Variants in GALNT13 observed in about 807,000 individuals in gnomAD.
GALNT13 encodes the protein UDP-GalNAc:polypeptide N-acetylgalactosaminyltransferase 13.
Under a neutral mutation model 64.2 loss-of-function variants are expected in GALNT13, and 28 were observed. The observed-to-expected ratio is 0.44, with a 90% confidence interval of 0.32 to 0.60. The LOEUF (loss-of-function observed/expected upper bound fraction) is 0.60. GALNT13 is among the 20% of genes least tolerant of loss of function. GALNT13 has a pLI of 0.05. For synonymous variants in GALNT13, 214 were observed against 224.6 expected, an observed-to-expected ratio of 0.95 and a Z score of 0.42; for missense variants, 577 against 669.8, an observed-to-expected ratio of 0.86 and a Z score of 1.53.
chr2:153,573,377 C>T, the GALNT13 span, among the ~76,000 whole-genome samples: 7 of 151,840 alleles, frequency 4.6e-5, no homozygotes, highest in Non-Finnish European at 1.0e-4. Flanking sequence ...ATCAACAGGT[C>T]TTGTTTTTCT....
intron 9 of GALNT13, among the ~76,000 whole-genome samples, chr2:154,312,830 A>G (rs1217657175): frequency 6.6e-6 from 1 of 152,162 alleles, no homozygotes; most frequent in African/African-American, 2.4e-5. Context: ...AGAATCAGAT[A>G]TCTTTCCTTA....
At chr2:154,026,211 G>T (rs60539232) in intron 3 of GALNT13, among the ~76,000 whole-genome samples, 1 of 152,156 alleles carries the variant, frequency 6.6e-6, no homozygotes, top group Non-Finnish European at 1.5e-5. Context: ...ACTACTAGAG[G>T]AGAGAGATTA....
At chr2:153,343,440 C>T in the GALNT13 span, among the ~76,000 whole-genome samples, 1 of 152,082 alleles carries the variant, frequency 6.6e-6, no homozygotes, top group Non-Finnish European at 1.5e-5. Flanking sequence ...TACTAACCAA[C>T]TTACCATGCA....
At chr2:153,859,525 A>T in the GALNT13 span, among the ~76,000 whole-genome samples, 1 of 152,208 alleles carries the variant, frequency 6.6e-6, no homozygotes, top group African/African-American at 2.4e-5. Flanking sequence ...GAGTCTTAAA[A>T]TATAACAAAT....
intron 1 of GALNT13, among the ~76,000 whole-genome samples, chr2:153,899,934 TA>T (rs60710217): frequency 0.14 from 9,609 of 69,414 alleles, 512 homozygotes; most frequent in Non-Finnish European, 0.18. Flanking sequence ...TATATATATA[TA>T]TTTTTTTTTT....
At chr2:153,647,979 G>T in the GALNT13 span, among the ~76,000 whole-genome samples, 3 of 152,150 alleles carry the variant, frequency 2.0e-5, no homozygotes, top group Non-Finnish European at 2.9e-5. Context: ...GAACTTTAAA[G>T]TAGTTTTTTC....
At chr2:153,631,881 C>G in the GALNT13 span, among the ~76,000 whole-genome samples, 1 of 152,108 alleles carries the variant, frequency 6.6e-6, no homozygotes, top group Non-Finnish European at 1.5e-5. Flanking sequence ...AAGTCCTTGC[C>G]CATGCCTATG....
Position 154,227,196 on chromosome 2 carries a change from G to A in GALNT13, c.312-14834G>A, listed in dbSNP as rs1056390876. ...ACACCAGCTGAAGAAATGAGTGGGT[G>A]CACTCTGCTGATGATGTGGGGAGGG... On this transcript the variant is annotated intron_variant, in intron 4 of 12. Transcript: ENST00000392825. 3.3e-5 allele frequency among the ~76,000 whole-genome samples: 5 copies of A among 152,094 alleles called. 1 individual carries two copies. The highest frequency in any genetic ancestry group is 7.4e-5 in the Non-Finnish European group (5 of 68,016).
chr2:153,527,530 A>C, the GALNT13 span, among the ~76,000 whole-genome samples: 2 of 152,310 alleles, frequency 1.3e-5, no homozygotes, highest in Admixed American at 1.3e-4. Flanking sequence ...TGCTAAAGGG[A>C]ATACTTTGAT....
chr2:153,696,652 G>A, the GALNT13 span, among the ~76,000 whole-genome samples: 2 of 152,170 alleles, frequency 1.3e-5, no homozygotes, highest in South Asian at 2.1e-4. Context: ...TTATGCATAT[G>A]TAGTCATTCT....
At chr2:153,303,737 T>G in the GALNT13 span, among the ~76,000 whole-genome samples, 1 of 152,134 alleles carries the variant, frequency 6.6e-6, no homozygotes, top group East Asian at 1.9e-4. Context: ...TATACTTAAT[T>G]TATGGAGAGG....
chr2:154,025,562 A>T (rs1461549540), intron 3 of GALNT13, among the ~76,000 whole-genome samples: 1 of 152,098 alleles, frequency 6.6e-6, no homozygotes, highest in Admixed American at 6.5e-5. Context: ...ATTCAGTATT[A>T]TCCCACTTAA....
At chr2:154,182,343 C>A (rs58531523) in intron 4 of GALNT13, among the ~76,000 whole-genome samples, 2 of 151,988 alleles carry the variant, frequency 1.3e-5, no homozygotes, top group African/African-American at 4.8e-5. Context: ...TTTTTGTGTG[C>A]GCATTTGGTA....
At chr2:154,116,813 T>C (rs939121890) in intron 3 of GALNT13, among the ~76,000 whole-genome samples, 1 of 152,166 alleles carries the variant, frequency 6.6e-6, no homozygotes, top group Non-Finnish European at 1.5e-5. Context: ...CCATCCTTAA[T>C]ATTCTGTTTC....
the GALNT13 span, among the ~76,000 whole-genome samples, chr2:153,415,768 A>T: frequency 6.6e-6 from 1 of 152,296 alleles, no homozygotes; most frequent in Admixed American, 6.5e-5. Context: ...TTCTGTGCTG[A>T]TAACTGTTTC....
the GALNT13 span, among the ~76,000 whole-genome samples, chr2:153,459,255 G>T: frequency 6.6e-6 from 1 of 152,162 alleles, no homozygotes; most frequent in African/African-American, 2.4e-5. Flanking sequence ...ATAGAAACAT[G>T]AGAGTCATAT....
chr2:154,454,535 C>T (rs1002182461), downstream of GALNT13: 1 of 151,924 alleles, frequency 6.6e-6, no homozygotes, highest in Non-Finnish European at 1.5e-5. Flanking sequence ...TGGTGGCACG[C>T]ACCTGTAATT....
the GALNT13 span, among the ~76,000 whole-genome samples, chr2:153,090,009 C>T: frequency 6.6e-6 from 1 of 152,054 alleles, no homozygotes; most frequent in Non-Finnish European, 1.5e-5. Context: ...TTATAGGACC[C>T]TCTTTTTTCA....
the GALNT13 span, among the ~76,000 whole-genome samples, chr2:153,181,098 A>G: frequency 9.3e-6 from 1 of 107,912 alleles, no homozygotes; most frequent in Non-Finnish European, 1.8e-5. Flanking sequence ...TGTAATATTA[A>G]GTTGCTCATT....
Sources: gnomAD v4.1 joint callset for allele counts (sites outside exome capture counted in the v4.1 genomes callset) on GRCh38, gnomAD v4.1.1 for gene constraint, MANE v1.5 for transcripts, NCBI Gene and HGNC (gene_info 2026-07-23, HGNC 2026-07-21) for gene names.